TRIM29: variants seen among roughly 807,000 people sequenced by gnomAD.
The protein encoded by TRIM29 is tripartite motif-containing protein 29.
TRIM29 carries 52 observed loss-of-function variants against 57.3 expected under a neutral mutation model. The ratio of observed to expected loss-of-function variants is 0.91; its 90% CI spans 0.73 to 1.14. TRIM29 has a LOEUF of 1.14. TRIM29 is among the 50% of genes most tolerant of loss of function. The pLI is 0.00. For missense variants in TRIM29, 753 were observed against 774.6 expected, an observed-to-expected ratio of 0.97 and a Z score of 0.33; for synonymous variants, 319 against 316.9, an observed-to-expected ratio of 1.01 and a Z score of -0.07.
chr11:120,120,178 G>A (rs936462110), intron 6 of TRIM29, among the ~76,000 whole-genome samples: 3 of 120,780 alleles, frequency 2.5e-5, no homozygotes, highest in East Asian at 2.6e-4. Context: ...CTTGTGGGGG[G>A]GGTGGCGCAT....
intron 1 of TRIM29, chr11:120,128,852 A>G: frequency 6.7e-7 from 1 of 1,494,908 alleles, no homozygotes; most frequent in East Asian, 2.5e-5. Context: ...CCTGGGGACA[A>G]TGGGAAGAGA....
In TRIM29 at chr11:120,137,806, G is replaced by T; in HGVS notation, c.226C>A (p.Arg76=). Residue 76 remains arginine (R), a synonymous_variant, in exon 1 of 9, where the codon CGG becomes AGG. Coordinates refer to ENST00000341846, the MANE Select transcript of TRIM29 (RefSeq NM_012101.4). The surrounding 1 kb of genome is among the most constrained non-coding windows in gnomAD (Gnocchi z 6.2). The part of the protein sequence containing the change: ...RSALFAGNEW[R]RPIIQFVESG... Reference sequence around the variant, plus strand: ...TCGACAAACTGGATGATGGGTCGCCGCCACTCATTGCCCGCGAACAGGGCG... The same window carrying T: ...TCGACAAACTGGATGATGGGTCGCCTCCACTCATTGCCCGCGAACAGGGCG... 1.2e-6 allele frequency: 2 copies of T among 1,612,264 alleles called. No homozygotes were observed. The highest frequency in any genetic ancestry group is 1.7e-6 in the Non-Finnish European group (2 of 1,180,002).
Position 120,128,458 on chromosome 11 carries a change from T to C in TRIM29, c.842A>G (p.Lys281Arg), listed in dbSNP as rs1298155085. The change falls in exon 2 of 9, where the codon AAG (lysine) becomes AGG (arginine). Residue 281 changes from lysine (K) to arginine (R), a missense_variant. Coordinates refer to ENST00000341846, the MANE Select transcript of TRIM29 (RefSeq NM_012101.4). ...LSLQKEQLQL[K>R]IIEIEDEAEK... ...AGCTTCATCCTCAATCTCAATGATCTTGAGCTGCAGCTGCTCCTTTTGCAA... is the reference window on the plus strand; with the variant it reads ...AGCTTCATCCTCAATCTCAATGATCCTGAGCTGCAGCTGCTCCTTTTGCAA... The C allele has an allele frequency of 1.2e-5, 20 of 1,612,282 alleles. No homozygotes were observed. Among genetic ancestry groups the C allele is most frequent in the Non-Finnish European group, 1.7e-5 (20 of 1,180,022 alleles).
rs1863859891 is a variant in TRIM29, at chr11:120,138,107, A to G, written c.-76T>C. 1 of 1,246,966 alleles carries G rather than the reference A, an allele frequency of 8.0e-7. No individual in the cohort carries two copies. Among genetic ancestry groups the G allele is most frequent in the Non-Finnish European group, 1.0e-6 (1 of 968,304 alleles). 77.2% of individuals were successfully genotyped at this position (1,246,966 alleles called of 1,614,324 possible). Reference sequence around the variant, plus strand: ...TGACCTTTCTGGCAGGCGTCTCGGCAGGGAGTGGGGCAGGCAACCACGAGG... The same window carrying G: ...TGACCTTTCTGGCAGGCGTCTCGGCGGGGAGTGGGGCAGGCAACCACGAGG... On this transcript the variant is annotated 5_prime_UTR_variant, in exon 1 of 9. Transcript: ENST00000341846.
At chr11:120,134,463 G>A (rs1434930239) in intron 1 of TRIM29, among the ~76,000 whole-genome samples, 2 of 152,210 alleles carry the variant, frequency 1.3e-5, no homozygotes, top group African/African-American at 4.8e-5. Context: ...AAGGATGCCA[G>A]GACTGGCATG....
intron 8 of TRIM29, among the ~76,000 whole-genome samples, chr11:120,114,623 G>A (rs1298688895): frequency 6.6e-6 from 1 of 152,232 alleles, no homozygotes; most frequent in Non-Finnish European, 1.5e-5. Context: ...GGCTCTGCAT[G>A]TGAACTACAG....
Position 120,127,443 on chromosome 11 carries a change from C to T in TRIM29, c.1027G>A (p.Val343Met), listed in dbSNP as rs146343820. Residue 343 changes from valine to methionine, a missense_variant, in exon 3 of 9, where the codon GTG becomes ATG. Physicochemically the swap from Val to Met is conservative, Grantham distance 21. Transcript: ENST00000341846. The part of the protein sequence containing the change: ...EQREQDAVDQ[V>M]KVIMDALDER... ...TCCAGAGCATCCATGATCACCTTCA[C>T]TTGGTCCACAGCATCCTGCTCCCGC... is the stretch of plus-strand genomic sequence containing the variant. 1 of 1,614,230 alleles carries T rather than the reference C, an allele frequency of 6.2e-7. No individual in the cohort carries two copies. Among genetic ancestry groups the T allele is most frequent in the East Asian group, 2.2e-5 (1 of 44,884 alleles).
chr11:120,127,399 C>A lies in TRIM29; in HGVS notation c.1071G>T (p.Leu357=), dbSNP rs142021032. ...GCTCCCGGGTCTGCTTGTCCTCATG[C>A]AGCACCTTGGCTCTCTCATCCAGAG... ...MDALDERAKV[L]HEDKQTREQL... The change falls in exon 3 of 9, where the codon CTG becomes CTT. Residue 357 remains leucine, a synonymous_variant. Coordinates refer to ENST00000341846, the MANE Select transcript of TRIM29 (RefSeq NM_012101.4). 3.7e-6 allele frequency: 6 copies of A among 1,614,174 alleles called. No individual in the cohort carries two copies.
At chr11:120,123,919 A>G in intron 4 of TRIM29, 1 of 188,350 alleles carries the variant, frequency 5.3e-6, no homozygotes, top group Non-Finnish European at 1.1e-5. Flanking sequence ...GGTGTCTCTT[A>G]GCGCAGGGGC....
At position 120,137,285 on chromosome 11, in the gene TRIM29, G is replaced by A. The variant is rs369812341; in HGVS notation, c.747C>T (p.Phe249=). ...DQTCICYLCM[F]QEHKNHSTVT... ...CGGTGCTATGATTCTTGTGCTCCTG[G>A]AACATGCAAAGGTAGCAGATGCAGG... The change falls in exon 1 of 9, where the codon TTC becomes TTT. Residue 249 remains phenylalanine (F), a synonymous_variant. Coordinates refer to ENST00000341846, the MANE Select transcript of TRIM29 (RefSeq NM_012101.4). This position sits in a 1 kb window ranked among gnomAD's most constrained non-coding sequence, Gnocchi z 6.2. 4 of 1,614,040 alleles carry A rather than the reference G, an allele frequency of 2.5e-6. No homozygotes were observed. The East Asian group carries it at 8.9e-5, about 36-fold the overall frequency.
Position 120,111,737 on chromosome 11 carries a change from C to G in TRIM29, c.*677G>C, listed in dbSNP as rs748554316. The G allele has an allele frequency of 2.6e-5, 4 of 152,366 alleles. No individual in the cohort carries two copies. The highest frequency in any genetic ancestry group is 5.9e-5 in the Non-Finnish European group (4 of 68,168). The allele number at this position is 152,366 out of a possible 1,614,324, so 9.4% of individuals were successfully genotyped here. On this transcript the variant is annotated 3_prime_UTR_variant, in exon 9 of 9. Coordinates refer to ENST00000341846, the MANE Select transcript of TRIM29 (RefSeq NM_012101.4). ...AATATCTTGGCTAAGGTCATCCTGC[C>G]AGTCAGGAGAAGCCACCCTCCAGGG...
intron 1 of TRIM29, chr11:120,129,031 T>A (rs1863663771): frequency 1.3e-6 from 1 of 768,976 alleles, no homozygotes; most frequent in Non-Finnish European, 1.8e-6. Context: ...AAAACCTGTT[T>A]ATGGGAAAGG....
chr11:120,119,027 G>A (rs1007314371), intron 6 of TRIM29, among the ~76,000 whole-genome samples: 3 of 152,160 alleles, frequency 2.0e-5, no homozygotes, highest in African/African-American at 7.2e-5. Context: ...CTCATTGTAT[G>A]GTTGATGGAT....
Position 120,137,599 on chromosome 11 carries a change from G to C in TRIM29, c.433C>G (p.Pro145Ala). Residue 145 changes from proline (P) to alanine (A), a missense_variant, in exon 1 of 9, where the codon CCC becomes GCC. Physicochemically the swap from Pro to Ala is conservative, Grantham distance 27 (BLOSUM62 -1). Transcript: ENST00000341846. The surrounding 1 kb of genome is among the most constrained non-coding windows in gnomAD (Gnocchi z 6.2). ...TAGCTGTTCCGCCGGGTCTCCCCGG[G>C]CTCCATGATGGACACCGTGGGCTTC... Reference protein sequence around the residue: ...SRKPTVSIMEPGETRRNSYPR... With the variant: ...SRKPTVSIMEAGETRRNSYPR... 1 of 1,613,356 alleles carries C rather than the reference G, an allele frequency of 6.2e-7. No individual in the cohort carries two copies. Among genetic ancestry groups the C allele is most frequent in the Non-Finnish European group, 8.5e-7 (1 of 1,179,966 alleles).
At position 120,112,405 on chromosome 11, in the gene TRIM29, G is replaced by T. The variant is rs187156970; in HGVS notation, c.*9C>A. 17 of 1,613,452 alleles carry T rather than the reference G, an allele frequency of 1.1e-5. No homozygotes were observed. The highest frequency in any genetic ancestry group is 4.0e-5 in the African/African-American group (3 of 74,972). ...AGGGGTGTGGCGCCTCGTTCCTTCC[G>T]CCAGGAGCTCATGGGGCTTCGTTGG... On this transcript the variant is annotated 3_prime_UTR_variant, in exon 9 of 9. Transcript: ENST00000341846.
intron 5 of TRIM29, 89 bp from the exon 6 acceptor site, chr11:120,120,754 A>AGGACCTGGATTCCACCAC: frequency 2.7e-6 from 3 of 1,099,280 alleles, no homozygotes; most frequent in Non-Finnish European, 4.1e-6. Flanking sequence ...TGCCCATCAC[A>AGGACCTGGATTCCACCAC]GGACCTGGAT....
chr11:120,125,789 A>C lies in TRIM29; in HGVS notation c.1235T>G (p.Phe412Cys). Residue 412 changes from phenylalanine to cysteine, a missense_variant, in exon 4 of 9, where the codon TTC becomes TGC. Coordinates refer to ENST00000341846, the MANE Select transcript of TRIM29 (RefSeq NM_012101.4). ...GCATACATTGAGCAGGTCGTCCTTG[A>C]AGTTGCCTAGTGACTGTCCCAGGCC... The part of the protein sequence containing the change: ...GEGLGQSLGN[F>C]KDDLLNVCMR... 6.2e-7 allele frequency: 1 copy of C among 1,614,126 alleles called. No homozygotes were observed. The highest frequency in any genetic ancestry group is 8.5e-7 in the Non-Finnish European group (1 of 1,180,026).
At chr11:120,119,904 GT>G (rs1863390942) in intron 6 of TRIM29, among the ~76,000 whole-genome samples, 1 of 152,074 alleles carries the variant, frequency 6.6e-6, no homozygotes. Flanking sequence ...TGAGCAAATG[GT>G]CCCCTCAGAG....
At position 120,137,389 on chromosome 11, in the gene TRIM29, C is replaced by G. The variant is rs765774545; in HGVS notation, c.643G>C (p.Glu215Gln). ...CGGGCCTCAAAGTCCCGGATGGGCT[C>G]GAGCAGCTGGTGGTCTCGGAAGGCG... ...GAAFRDHQLLEPIRDFEARKC... is the reference protein window; with the variant it reads ...GAAFRDHQLLQPIRDFEARKC... The change falls in exon 1 of 9, where the codon GAG (glutamate) becomes CAG (glutamine). Residue 215 changes from glutamate (E) to glutamine (Q), a missense_variant. Transcript: ENST00000341846. This position sits in a 1 kb window ranked among gnomAD's most constrained non-coding sequence, Gnocchi z 6.2. 4 of 1,612,934 alleles carry G rather than the reference C, an allele frequency of 2.5e-6. No homozygotes were observed. Among genetic ancestry groups the G allele is most frequent in the Admixed American group, 1.7e-5 (1 of 60,020 alleles).
Sources: allele counts gnomAD v4.1 joint callset (sites outside exome capture counted in the v4.1 genomes callset), GRCh38; gene constraint gnomAD v4.1.1; non-coding constraint Gnocchi (gnomAD v3.1); transcripts MANE v1.5; gene names NCBI Gene and HGNC (gene_info 2026-07-23, HGNC 2026-07-21).